The following RAB31 variants were observed in gnomAD, a reference collection of about 807,000 sequenced individuals.
RAB31 encodes ras-related protein Rab-31.
In RAB31, 21 loss-of-function variants were observed where a neutral mutation model predicts 25.6. The ratio of observed to expected loss-of-function variants is 0.82; its 90% CI spans 0.58 to 1.18. RAB31 has a LOEUF of 1.18. RAB31 is among the 50% of genes most tolerant of loss of function. The pLI is 0.00. For missense variants in RAB31, 196 were observed against 250.1 expected (o/e 0.78, Z 1.46); for synonymous variants, 87 against 84.0 (o/e 1.04, Z -0.20).
intron 1 of RAB31, among the ~76,000 whole-genome samples, chr18:9,735,154 A>T (rs2068144893): frequency 6.6e-6 from 1 of 151,948 alleles, no homozygotes; most frequent in Non-Finnish European, 1.5e-5. Flanking sequence ...AGTAGCTGGG[A>T]TTATAGGCGC....
intron 6 of RAB31, 95 bp downstream of exon 6, chr18:9,845,786 C>A: frequency 7.0e-7 from 1 of 1,419,768 alleles, no homozygotes; most frequent in Non-Finnish European, 9.2e-7. Context: ...TGAACTTTTC[C>A]TCTGTGTGAA....
At chr18:9,834,918 A>C (rs988972475) in intron 5 of RAB31, among the ~76,000 whole-genome samples, 1 of 152,208 alleles carries the variant, frequency 6.6e-6, no homozygotes, top group Admixed American at 6.5e-5. Context: ...TTACTTTCAA[A>C]TGGCACAATT....
intron 5 of RAB31, among the ~76,000 whole-genome samples, chr18:9,835,860 A>C (rs999343794): frequency 1.3e-5 from 2 of 152,148 alleles, no homozygotes; most frequent in African/African-American, 4.8e-5. Context: ...TCTGTGTGTT[A>C]CATAGACATC....
intron 1 of RAB31, among the ~76,000 whole-genome samples, chr18:9,759,185 C>CTTTTTG (rs1210049085): frequency 1.6e-4 from 25 of 151,916 alleles, no homozygotes; most frequent in African/African-American, 2.7e-4. Context: ...TACAGCGGGT[C>CTTTTTG]TTTTTGTTTT....
At chr18:9,729,433 A>T (rs1377827536) in intron 1 of RAB31, among the ~76,000 whole-genome samples, 1 of 151,968 alleles carries the variant, frequency 6.6e-6, no homozygotes, top group Non-Finnish European at 1.5e-5. Flanking sequence ...AGACTGAGGC[A>T]GGAGAATGGC....
chr18:9,852,180 C>G (rs1032768913), intron 6 of RAB31, among the ~76,000 whole-genome samples: 3 of 152,160 alleles, frequency 2.0e-5, no homozygotes, highest in Admixed American at 6.6e-5. Context: ...CCATCTCTAT[C>G]CCATCCTGTG....
chr18:9,823,644 C>T (rs1032332266), intron 5 of RAB31, among the ~76,000 whole-genome samples: 1 of 151,986 alleles, frequency 6.6e-6, no homozygotes, highest in African/African-American at 2.4e-5. Flanking sequence ...AATATTGGAA[C>T]AGTCAGGTGA....
intron 1 of RAB31, among the ~76,000 whole-genome samples, chr18:9,754,930 A>C (rs1204573432): frequency 6.6e-6 from 1 of 152,172 alleles, no homozygotes; most frequent in Non-Finnish European, 1.5e-5. Context: ...TCTCTCTGGC[A>C]CTTGTCACAG....
At chr18:9,752,382 G>A (rs538802375) in intron 1 of RAB31, among the ~76,000 whole-genome samples, 6 of 152,146 alleles carry the variant, frequency 3.9e-5, no homozygotes, top group Admixed American at 6.5e-5. Flanking sequence ...CTGCCACCAC[G>A]CCCGGCTAAG....
rs1232109801 is a variant in RAB31 at position 9,860,710 on chromosome 18, CT to C, written c.*1386del. ...CAGAAATGGTTAATCATGCTGTGTG[CT>C]AGCCAGGGCCAGCTGGTACCTTCTT... On this transcript the variant is annotated 3_prime_UTR_variant, in exon 7 of 7. Coordinates refer to ENST00000578921, the MANE Select transcript of RAB31 (RefSeq NM_006868.4). 2 of 152,280 alleles carry C rather than the reference CT, an allele frequency of 1.3e-5. No homozygotes were observed. Among genetic ancestry groups the C allele is most frequent in the East Asian group, 3.9e-4 (2 of 5,180 alleles). The allele number at this position is 152,280 out of a possible 1,614,324, so 9.4% of individuals were successfully genotyped here.
chr18:9,787,089 A>T (rs2068437346), intron 2 of RAB31: 1 of 214,938 alleles, frequency 4.7e-6, no homozygotes, highest in Non-Finnish European at 1.0e-5. Context: ...TTCAAGCTAA[A>T]GGGAAAATTT....
intron 6 of RAB31, among the ~76,000 whole-genome samples, chr18:9,849,110 A>T (rs577100922): frequency 5.3e-5 from 8 of 152,148 alleles, no homozygotes; most frequent in African/African-American, 1.4e-4. Flanking sequence ...TCTTCCATGC[A>T]TTTCTACCCA....
chr18:9,844,443 C>T (rs2068750120), intron 5 of RAB31, among the ~76,000 whole-genome samples: 1 of 152,226 alleles, frequency 6.6e-6, no homozygotes, highest in Non-Finnish European at 1.5e-5. Flanking sequence ...CATGGCCACA[C>T]TTAAGGTGAC....
chr18:9,778,351 A>T (rs2068384243), intron 2 of RAB31, among the ~76,000 whole-genome samples: 1 of 152,108 alleles, frequency 6.6e-6, no homozygotes, highest in African/African-American at 2.4e-5. Flanking sequence ...TTGTCTAGTA[A>T]ATGCATTTCG....
intron 1 of RAB31, among the ~76,000 whole-genome samples, chr18:9,761,111 G>A (rs1031541097): frequency 2.0e-5 from 3 of 152,110 alleles, no homozygotes; most frequent in African/African-American, 4.8e-5. Context: ...ATTTGCTGAT[G>A]GCAGCTTTAT....
intron 1 of RAB31, among the ~76,000 whole-genome samples, chr18:9,741,852 G>A (rs910836788): frequency 2.0e-5 from 3 of 152,220 alleles, no homozygotes; most frequent in African/African-American, 7.2e-5. Flanking sequence ...TGCTTTATGA[G>A]CGGGACATAC....
At chr18:9,740,180 C>A (rs1438289742) in intron 1 of RAB31, among the ~76,000 whole-genome samples, 1 of 152,212 alleles carries the variant, frequency 6.6e-6, no homozygotes, top group Non-Finnish European at 1.5e-5. Flanking sequence ...ATAACTGTCT[C>A]ACAAAGTCAT....
At chr18:9,756,916 G>A (rs1426929689) in intron 1 of RAB31, among the ~76,000 whole-genome samples, 4 of 152,168 alleles carry the variant, frequency 2.6e-5, no homozygotes, top group African/African-American at 9.7e-5. Flanking sequence ...GGTGCCCTTG[G>A]CTCCAGTTGT....
intron 5 of RAB31, among the ~76,000 whole-genome samples, chr18:9,844,303 A>G (rs2068749589): frequency 6.6e-6 from 1 of 152,238 alleles, no homozygotes; most frequent in Admixed American, 6.5e-5. Context: ...CAAATCCGCC[A>G]TAACATCCCC....
Sources: allele counts gnomAD v4.1 joint callset (sites outside exome capture counted in the v4.1 genomes callset), GRCh38; gene constraint gnomAD v4.1.1; transcripts MANE v1.5; gene names NCBI Gene and HGNC (gene_info 2026-07-23, HGNC 2026-07-21).